TRAPPC3L: variants seen among roughly 807,000 people sequenced by gnomAD.
TRAPPC3L encodes trafficking protein particle complex subunit 3-like protein.
A neutral mutation model predicts 23.7 loss-of-function variants in TRAPPC3L; 23 were observed. The observed-to-expected ratio is 0.97, with a 90% CI of 0.70 to 1.37. TRAPPC3L has a LOEUF of 1.37. TRAPPC3L is among the 40% of genes most tolerant of loss of function. The probability of loss-of-function intolerance (pLI) is 0.00; values close to 1 mark genes in which losing one functional copy is unlikely to be tolerated. For synonymous variants in TRAPPC3L, 81 were observed against 77.9 expected (o/e 1.04, Z -0.21); for missense variants, 212 against 216.8 (o/e 0.98, Z 0.14).
chr6:116,500,199 G>A (rs71570808), intron 4 of TRAPPC3L, among the ~76,000 whole-genome samples: 1 of 152,236 alleles, frequency 6.6e-6, no homozygotes, highest in Admixed American at 6.5e-5. Context: ...AGTCGCCAGA[G>A]GTTGCAGCCC....
intron 3 of TRAPPC3L, among the ~76,000 whole-genome samples, chr6:116,539,691 GA>G (rs982974559): frequency 4.7e-5 from 7 of 150,478 alleles, no homozygotes; most frequent in South Asian, 2.1e-4. Flanking sequence ...GACTAGGAGA[GA>G]AAAAAAAATG....
intron 3 of TRAPPC3L, chr6:116,521,965 C>T (rs888865469): frequency 6.6e-6 from 1 of 151,982 alleles, no homozygotes; most frequent in Non-Finnish European, 1.5e-5. Flanking sequence ...ACTGCAATTA[C>T]TCAGGGACTA....
intron 2 of TRAPPC3L, among the ~76,000 whole-genome samples, chr6:116,540,955 A>C (rs1773411663): frequency 6.6e-6 from 1 of 152,102 alleles, no homozygotes; most frequent in South Asian, 2.1e-4. Flanking sequence ...GAGCAGAAAA[A>C]ATTTTTGTTG....
intron 3 of TRAPPC3L, among the ~76,000 whole-genome samples, chr6:116,527,420 C>G (rs1044210188): frequency 1.1e-4 from 17 of 147,828 alleles, no homozygotes; most frequent in Admixed American, 1.1e-3. Flanking sequence ...GAGGCTGAGG[C>G]AGGAGAATGG....
intron 3 of TRAPPC3L, among the ~76,000 whole-genome samples, chr6:116,504,840 A>G (rs954524417): frequency 6.6e-6 from 1 of 152,230 alleles, no homozygotes; most frequent in African/African-American, 2.4e-5. Flanking sequence ...AAAACTCTCT[A>G]TAAACTAGGT....
Position 116,540,582 on chromosome 6 carries a change from T to C in TRAPPC3L, c.141-120A>G, listed in dbSNP as rs532368760. The C allele has an allele frequency of 1.2e-5, 12 of 978,070 alleles. No individual in the cohort carries two copies. The African/African-American group carries it at 1.6e-4, about 13-fold the overall frequency. The allele number at this position is 978,070 out of a possible 1,614,324, so 60.6% of individuals were successfully genotyped here. The stretch of plus-strand genomic sequence containing the variant: ...CAAGTGAATCACAAATCAAACCAAA[T>C]ATGACGAGTCAAATGGCTTTTGGCT... On this transcript the variant is annotated intron_variant, in intron 2 of 4. Coordinates refer to ENST00000368602, the MANE Select transcript of TRAPPC3L (RefSeq NM_001139444.3).
At chr6:116,525,016 G>A (rs1233514033) in intron 3 of TRAPPC3L, among the ~76,000 whole-genome samples, 3 of 152,174 alleles carry the variant, frequency 2.0e-5, no homozygotes, top group Non-Finnish European at 4.4e-5. Flanking sequence ...GGCTAAGGTG[G>A]TTATGCCACT....
rs1583295147 is a variant in TRAPPC3L at position 116,540,430 on chromosome 6, T to C, written c.173A>G (p.Asp58Gly). ...TCCCACGCAGGATCGAGCCAAAAAGTCTTCCACAAGCCGCGTTCCAATGCC... is the reference window on the plus strand; with the variant it reads ...TCCCACGCAGGATCGAGCCAAAAAGCCTTCCACAAGCCGCGTTCCAATGCC... ...GYGIGTRLVE[D>G]FLARSCVGRC... is the part of the protein sequence containing the mutation. Residue 58 changes from aspartate (D) to glycine (G), a missense_variant, in exon 3 of 5, where the codon GAC (aspartate) becomes GGC (glycine). By Grantham distance (94) the Asp-to-Gly change is moderately conservative (BLOSUM62 -1). Coordinates refer to ENST00000368602, the MANE Select transcript of TRAPPC3L (RefSeq NM_001139444.3). 6.4e-7 allele frequency: 1 copy of C among 1,551,306 alleles called. No individual in the cohort carries two copies. Among genetic ancestry groups the C allele is most frequent in the Non-Finnish European group, 8.7e-7 (1 of 1,146,742 alleles).
At chr6:116,504,587 A>G (rs991202193) in intron 3 of TRAPPC3L, among the ~76,000 whole-genome samples, 5 of 152,226 alleles carry the variant, frequency 3.3e-5, no homozygotes, top group Non-Finnish European at 7.3e-5. Context: ...AAAAAAGAGA[A>G]TTTTAGGCCA....
chr6:116,528,094 A>G (rs1772501798), intron 3 of TRAPPC3L, among the ~76,000 whole-genome samples: 3 of 152,264 alleles, frequency 2.0e-5, no homozygotes, highest in African/African-American at 7.2e-5. Context: ...GGTGAGAGGC[A>G]GTGCTAAGTT....
Position 116,534,115 on chromosome 6 carries a change from T to C in TRAPPC3L, c.240+6248A>G, listed in dbSNP as rs187037586. ...CCATAAATTCTGTAGTGCGTTTTTTTTTTCCCCTTTCTCAGTAGCTAATCC... is the reference window on the plus strand; with the variant it reads ...CCATAAATTCTGTAGTGCGTTTTTTCTTTCCCCTTTCTCAGTAGCTAATCC... On this transcript the variant is annotated intron_variant, in intron 3 of 4. Coordinates refer to ENST00000368602, the MANE Select transcript of TRAPPC3L (RefSeq NM_001139444.3). Among the ~76,000 whole-genome samples, 3 of 152,288 alleles carry C rather than the reference T, an allele frequency of 2.0e-5. No homozygotes were observed. The East Asian group carries it at 5.8e-4, about 29-fold the overall frequency.
intron 3 of TRAPPC3L, among the ~76,000 whole-genome samples, chr6:116,534,379 G>A (rs1190773492): frequency 6.6e-6 from 1 of 152,114 alleles, no homozygotes; most frequent in African/African-American, 2.4e-5. Context: ...AAGCAGCTCA[G>A]GAGTTTTGGC....
rs184122202 is a variant in TRAPPC3L at position 116,502,879 on chromosome 6, T to A, written c.241-2213A>T. On this transcript the variant is annotated intron_variant, in intron 3 of 4. Coordinates refer to ENST00000368602, the MANE Select transcript of TRAPPC3L (RefSeq NM_001139444.3). ...TTACAAGAGCTCCTGAAGGAAGCAC[T>A]AAACATGGAAAGGAACAACCGATAC... Among the ~76,000 whole-genome samples the A allele has an allele frequency of 9.5e-4, 145 of 152,298 alleles. 3 individuals are homozygous for A. The East Asian group carries it at 0.026, about 28-fold the overall frequency.
At chr6:116,530,915 A>G (rs1772667270) in intron 3 of TRAPPC3L, among the ~76,000 whole-genome samples, 1 of 137,604 alleles carries the variant, frequency 7.3e-6, no homozygotes, top group Non-Finnish European at 1.6e-5. Context: ...ATATATATAT[A>G]TATATATATA....
rs1378851683 is a variant in TRAPPC3L, at chr6:116,504,346, C to G, written c.241-3680G>C. ...ACTAAGCCAGGAAGCAGTTGAATCT[C>G]TGAATAGACTAATAACAGGTTCTGA... On this transcript the variant is annotated intron_variant, in intron 3 of 4. Transcript: ENST00000368602. 4.6e-5 allele frequency among the ~76,000 whole-genome samples: 7 copies of G among 152,194 alleles called. No homozygotes were observed. In the East Asian group the frequency reaches 1.3e-3, roughly 29 times the overall value.
intron 3 of TRAPPC3L, among the ~76,000 whole-genome samples, chr6:116,514,967 C>G (rs1348116189): frequency 6.6e-6 from 1 of 152,058 alleles, no homozygotes; most frequent in Non-Finnish European, 1.5e-5. Context: ...TTTTAAGATC[C>G]AGGGGAGAAA....
Position 116,540,303 on chromosome 6 carries a change from A to G in TRAPPC3L, c.240+60T>C. ...TGTCCAATCTGAACAGAAAACCACC[A>G]TACTCAAAAAGAATCAGAGATTTTT... On this transcript the variant is annotated intron_variant, in intron 3 of 4. Coordinates refer to ENST00000368602, the MANE Select transcript of TRAPPC3L (RefSeq NM_001139444.3). 11 of 1,478,814 alleles carry G rather than the reference A, an allele frequency of 7.4e-6. No homozygotes were observed. In the South Asian group the frequency reaches 1.2e-4, roughly 17 times the overall value. 91.6% of individuals were successfully genotyped at this position (1,478,814 alleles called of 1,614,324 possible). A position where few individuals can be genotyped will look rare whatever the true frequency, so the allele number is the denominator to read the frequency against.
chr6:116,496,832 T>C lies in TRAPPC3L; in HGVS notation c.*122A>G. The stretch of plus-strand genomic sequence containing the variant: ...GCCTTCATGCCCTGCATTTCAAATT[T>C]CTGGCTGATTTATAAACCTTTCAAA... On this transcript the variant is annotated 3_prime_UTR_variant, in exon 5 of 5. Transcript: ENST00000368602. 7.5e-7 allele frequency: 1 copy of C among 1,330,380 alleles called. No homozygotes were observed. The allele number at this position is 1,330,380 out of a possible 1,614,324, so 82.4% of individuals were successfully genotyped here.
intron 3 of TRAPPC3L, among the ~76,000 whole-genome samples, chr6:116,501,814 A>G (rs1421721813): frequency 6.6e-6 from 1 of 152,206 alleles, no homozygotes; most frequent in African/African-American, 2.4e-5. Context: ...AACGAACAGA[A>G]AGGAATAGCA....
Sources: gnomAD v4.1 joint callset for allele counts (sites outside exome capture counted in the v4.1 genomes callset) on GRCh38, gnomAD v4.1.1 for gene constraint, MANE v1.5 for transcripts, NCBI Gene and HGNC (gene_info 2026-07-23, HGNC 2026-07-21) for gene names.